CDKAL1: variants seen among roughly 807,000 people sequenced by gnomAD.
CDKAL1 encodes the protein threonylcarbamoyladenosine tRNA methylthiotransferase.
A neutral mutation model predicts 68.2 loss-of-function variants in CDKAL1; 32 were observed. The ratio of observed to expected loss-of-function variants is 0.47; its 90% CI spans 0.35 to 0.63. The LOEUF is 0.63. CDKAL1 is among the 30% of genes least tolerant of loss of function. The pLI is 0.00. For missense variants in CDKAL1, 606 were observed against 696.7 expected, an observed-to-expected ratio of 0.87 and a Z score of 1.47; for synonymous variants, 234 against 244.3, an observed-to-expected ratio of 0.96 and a Z score of 0.39.
At chr6:20,933,939 A>T (rs200478240) in intron 9 of CDKAL1, among the ~76,000 whole-genome samples, 18 of 127,250 alleles carry the variant, frequency 1.4e-4, no homozygotes, top group Admixed American at 3.9e-4. Context: ...TTTTTTTTTT[A>T]AATAGTAAAA....
chr6:21,069,682 T>G (rs1371259095), intron 12 of CDKAL1, among the ~76,000 whole-genome samples: 6 of 151,306 alleles, frequency 4.0e-5, no homozygotes, highest in African/African-American at 1.5e-4. Context: ...TTCCTTCCTC[T>G]ACATTTTTCT....
intron 2 of CDKAL1, among the ~76,000 whole-genome samples, chr6:20,542,766 C>A (rs573696490): frequency 6.6e-6 from 1 of 152,168 alleles, no homozygotes; most frequent in East Asian, 1.9e-4. Flanking sequence ...AAAACATTTC[C>A]ATCATCACAA....
At chr6:21,146,597 T>A (rs1180875350) in intron 13 of CDKAL1, among the ~76,000 whole-genome samples, 1 of 152,122 alleles carries the variant, frequency 6.6e-6, no homozygotes, top group Non-Finnish European at 1.5e-5. Flanking sequence ...ACGCCTGTAA[T>A]CCCAGCACTT....
chr6:20,688,859 A>C (rs1331741987), intron 5 of CDKAL1, among the ~76,000 whole-genome samples: 1 of 152,178 alleles, frequency 6.6e-6, no homozygotes, highest in Admixed American at 6.5e-5. Flanking sequence ...AACTGGTATA[A>C]ATAGGTCTTC....
chr6:20,888,464 A>T (rs7773564), intron 9 of CDKAL1, among the ~76,000 whole-genome samples: 2 of 141,852 alleles, frequency 1.4e-5, no homozygotes, highest in Non-Finnish European at 3.0e-5. Flanking sequence ...TGGTGTACTG[A>T]ACCCATTAAC....
chr6:20,853,392 A>AC (rs930440359), intron 9 of CDKAL1, among the ~76,000 whole-genome samples: 8 of 5,288 alleles, frequency 1.5e-3, no homozygotes, highest in South Asian at 3.4e-3. Flanking sequence ...AAAACAAAAC[A>AC]AAAAAAAAAC....
intron 9 of CDKAL1, among the ~76,000 whole-genome samples, chr6:20,925,888 G>A (rs1763163693): frequency 6.6e-6 from 1 of 151,956 alleles, no homozygotes; most frequent in African/African-American, 2.4e-5. Flanking sequence ...TAAAAATGGG[G>A]GAAGACATTA....
At chr6:20,594,613 C>T (rs372950187) in intron 4 of CDKAL1, among the ~76,000 whole-genome samples, 4 of 151,874 alleles carry the variant, frequency 2.6e-5, no homozygotes, top group South Asian at 2.1e-4. Flanking sequence ...AGCATGCCGA[C>T]GGGTCTTGAC....
chr6:20,617,393 A>G (rs1477210101), intron 4 of CDKAL1, among the ~76,000 whole-genome samples: 1 of 152,206 alleles, frequency 6.6e-6, no homozygotes, highest in Non-Finnish European at 1.5e-5. Flanking sequence ...AATAATAAAG[A>G]AGTGCTTCAA....
intron 10 of CDKAL1, among the ~76,000 whole-genome samples, chr6:20,959,423 T>C (rs893310079): frequency 3.3e-5 from 5 of 152,196 alleles, no homozygotes; most frequent in African/African-American, 1.2e-4. Context: ...TTATGTCACC[T>C]TAAAGTCCCT....
chr6:21,098,566 A>T (rs1240088355), intron 12 of CDKAL1, among the ~76,000 whole-genome samples: 2 of 110,170 alleles, frequency 1.8e-5, no homozygotes, highest in African/African-American at 7.2e-5. Flanking sequence ...TTTGGCCGTC[A>T]CCCATGTGCA....
At chr6:20,780,114 A>G (rs1775351745) in intron 7 of CDKAL1, among the ~76,000 whole-genome samples, 1 of 151,102 alleles carries the variant, frequency 6.6e-6, no homozygotes, top group African/African-American at 2.4e-5. Context: ...AAAAAAAAAA[A>G]AAAAAAGACA....
intron 11 of CDKAL1, among the ~76,000 whole-genome samples, chr6:21,041,008 C>T (rs1769893331): frequency 6.6e-6 from 1 of 152,174 alleles, no homozygotes; most frequent in Admixed American, 6.5e-5. Flanking sequence ...GTTCTTAACA[C>T]TTATTTTTCT....
intron 13 of CDKAL1, among the ~76,000 whole-genome samples, chr6:21,170,180 G>A (rs998001583): frequency 6.6e-6 from 1 of 152,220 alleles, no homozygotes; most frequent in Non-Finnish European, 1.5e-5. Context: ...ACCTGAGATG[G>A]TCACTGGGAC....
chr6:20,636,378 G>T (rs138793712), intron 4 of CDKAL1, among the ~76,000 whole-genome samples: 9 of 152,246 alleles, frequency 5.9e-5, no homozygotes, highest in African/African-American at 1.7e-4. Context: ...CTGTTTTAAT[G>T]CTTAGAGTGG....
chr6:21,096,349 T>G lies in CDKAL1; in HGVS notation c.1237-12052T>G, dbSNP rs144633385. Among the ~76,000 whole-genome samples the G allele has an allele frequency of 2.6e-3, 397 of 152,328 alleles. 1 individual carries two copies. Among genetic ancestry groups the G allele is most frequent in the African/African-American group, 9.1e-3 (380 of 41,584 alleles). On this transcript the variant is annotated intron_variant, in intron 12 of 15. Coordinates refer to ENST00000274695, the MANE Select transcript of CDKAL1 (RefSeq NM_017774.3). ...GCGATGTGGATTAGCGTCTGGAAGC[T>G]GGTATGAGGCTCTGAGCATTAATAG...
chr6:20,553,370 G>A (rs142305612), intron 4 of CDKAL1, among the ~76,000 whole-genome samples: 69 of 152,092 alleles, frequency 4.5e-4, no homozygotes, highest in African/African-American at 1.5e-3. Flanking sequence ...TTAGCCAGGT[G>A]TGGTGGCACA....
chr6:20,890,043 C>T (rs539992633), intron 9 of CDKAL1, among the ~76,000 whole-genome samples: 36 of 152,058 alleles, frequency 2.4e-4, no homozygotes, highest in African/African-American at 6.3e-4. Flanking sequence ...CATGAGCTAC[C>T]GTGCCCGGGC....
At chr6:20,825,279 G>A (rs2150450194) in intron 8 of CDKAL1, among the ~76,000 whole-genome samples, 1 of 151,854 alleles carries the variant, frequency 6.6e-6, no homozygotes, top group East Asian at 1.9e-4. Context: ...CTCTATAATT[G>A]TGTGTTGAAA....
Sources: gnomAD v4.1 joint callset for allele counts (sites outside exome capture counted in the v4.1 genomes callset) on GRCh38, gnomAD v4.1.1 for gene constraint, MANE v1.5 for transcripts, NCBI Gene and HGNC (gene_info 2026-07-23, HGNC 2026-07-21) for gene names.